Variants in ATL2 observed in about 807,000 individuals in gnomAD.
The protein encoded by ATL2 is atlastin-2.
In ATL2, 31 loss-of-function variants were observed where a neutral mutation model predicts 73.9. The observed-to-expected ratio is 0.42, with a 90% CI of 0.32 to 0.57. The LOEUF (loss-of-function observed/expected upper bound fraction) is 0.57, where lower values mean the gene tolerates loss of function less well. ATL2 is among the 20% of genes least tolerant of loss of function. ATL2 has a pLI of 0.14. For synonymous variants in ATL2, 291 were observed against 237.5 expected (o/e 1.23, Z -2.07); for missense variants, 738 against 702.6 (o/e 1.05, Z -0.57).
At chr2:38,296,673 G>C in intron 12 of ATL2, 1 of 1,570,100 alleles carries the variant, frequency 6.4e-7, no homozygotes, top group African/African-American at 1.3e-5. Context: ...ATTTGAGACT[G>C]TAGGTTTCTC....
chr2:38,377,236 G>T lies in ATL2; in HGVS notation c.25C>A (p.Arg9=), dbSNP rs375448345. MAEGDEAA[R]GQQPHQGLWR... is the part of the protein sequence containing the mutation. ...AGCCCCTGGTGCGGTTGCTGCCCTC[G>T]CGCTGCCTCGTCCCCCTCCGCCATC... Residue 9 remains arginine (R), a synonymous_variant, in exon 1 of 13, where the codon CGA becomes AGA. Coordinates refer to ENST00000378954, the MANE Select transcript of ATL2 (RefSeq NM_001135673.4). The T allele has an allele frequency of 1.9e-6, 3 of 1,598,226 alleles. No individual in the cohort carries two copies. The Admixed American group carries it at 5.2e-5, about 28-fold the overall frequency.
rs147445570 is a variant in ATL2, at chr2:38,326,904, C to G, written c.364-7885G>C. Among the ~76,000 whole-genome samples, 840 of 152,222 alleles carry G rather than the reference C, an allele frequency of 5.5e-3. 4 individuals carry two copies. The highest frequency in any genetic ancestry group is 9.6e-3 in the Non-Finnish European group (651 of 68,008). On this transcript the variant is annotated intron_variant, in intron 2 of 12. Transcript: ENST00000378954. ...TTGGGAGGCTGAGGCAGGAGAATCACTTGAACCCAGAAGGCAGAGGTTGCA... is the reference window on the plus strand; with the variant it reads ...TTGGGAGGCTGAGGCAGGAGAATCAGTTGAACCCAGAAGGCAGAGGTTGCA...
intron 1 of ATL2, among the ~76,000 whole-genome samples, chr2:38,366,224 A>T (rs1671325216): frequency 6.6e-6 from 1 of 152,196 alleles, no homozygotes; most frequent in Admixed American, 6.5e-5. Context: ...ACACGCTCAA[A>T]AACAGGATGA....
chr2:38,312,769 TTTCCTGAGGCCTCCCAGTCATGC>T (rs1289439480), intron 7 of ATL2, among the ~76,000 whole-genome samples: 1 of 151,970 alleles, frequency 6.6e-6, no homozygotes, highest in Non-Finnish European at 1.5e-5. Flanking sequence ...TGATTGTAAG[TTTCCTGAGGCCTCCCAGTCATGC>T]TTCCTGTTAA....
chr2:38,364,816 G>A (rs1432503458), intron 1 of ATL2, among the ~76,000 whole-genome samples: 2 of 151,816 alleles, frequency 1.3e-5, no homozygotes, highest in Admixed American at 6.6e-5. Flanking sequence ...AGGCTGAGGC[G>A]GGTGGATCAC....
chr2:38,325,699 T>TATAC (rs1668597639), intron 2 of ATL2, among the ~76,000 whole-genome samples: 1 of 11,316 alleles, frequency 8.8e-5, no homozygotes, highest in Non-Finnish European at 1.9e-4. Flanking sequence ...CACACACCAG[T>TATAC]ACACACACAC....
At chr2:38,296,305 C>T in intron 12 of ATL2, 192 bp from the exon 13 acceptor site, 1 of 1,443,182 alleles carries the variant, frequency 6.9e-7, no homozygotes, top group Non-Finnish European at 9.0e-7. Flanking sequence ...AATTACTTTC[C>T]TCTTATTCAA....
chr2:38,348,785 C>T (rs1425711740), intron 1 of ATL2, among the ~76,000 whole-genome samples: 1 of 151,770 alleles, frequency 6.6e-6, no homozygotes, highest in Non-Finnish European at 1.5e-5. Flanking sequence ...TGACAAAGGG[C>T]TAATATCCAG....
intron 9 of ATL2, among the ~76,000 whole-genome samples, chr2:38,303,918 C>T (rs921282815): frequency 6.6e-6 from 1 of 152,054 alleles, no homozygotes; most frequent in Admixed American, 6.5e-5. Context: ...AACTGCCTGA[C>T]CCTGGAGTTC....
intron 2 of ATL2, among the ~76,000 whole-genome samples, chr2:38,338,393 C>T (rs1166723151): frequency 6.6e-6 from 1 of 152,154 alleles, no homozygotes; most frequent in African/African-American, 2.4e-5. Context: ...GTACCCCAAA[C>T]ATCAGCATTA....
chr2:38,304,535 C>T (rs1667349142), intron 9 of ATL2, among the ~76,000 whole-genome samples: 2 of 152,110 alleles, frequency 1.3e-5, no homozygotes, highest in Admixed American at 1.3e-4. Context: ...CAACTCATAT[C>T]CTGAGTAGAA....
upstream of ATL2, among the ~76,000 whole-genome samples, chr2:38,377,661 CT>C (rs982720669): frequency 7.2e-5 from 11 of 152,288 alleles, no homozygotes; most frequent in Middle Eastern, 3.4e-3. Context: ...TCCCAATTCG[CT>C]TTACATCTCT....
At chr2:38,327,188 T>C (rs1046524319) in intron 2 of ATL2, among the ~76,000 whole-genome samples, 5 of 151,758 alleles carry the variant, frequency 3.3e-5, no homozygotes, top group Admixed American at 2.6e-4. Context: ...GAAAATGATA[T>C]AGGTCAGAAA....
At chr2:38,329,036 C>T (rs1668827175) in intron 2 of ATL2, among the ~76,000 whole-genome samples, 1 of 150,942 alleles carries the variant, frequency 6.6e-6, no homozygotes, top group African/African-American at 2.4e-5. Flanking sequence ...AACTCTATGC[C>T]CACAAAGTTA....
intron 2 of ATL2, among the ~76,000 whole-genome samples, chr2:38,336,348 T>G (rs1669355453): frequency 6.6e-6 from 1 of 152,156 alleles, no homozygotes; most frequent in African/African-American, 2.4e-5. Context: ...TAGCAAAGAA[T>G]AAAAACATAA....
At chr2:38,343,176 AAAGATATAG>A in intron 2 of ATL2, 83 bp downstream of exon 2, 1 of 665,802 alleles carries the variant, frequency 1.5e-6, no homozygotes, top group Non-Finnish European at 2.2e-6. Context: ...AAAAAAAAAA[AAAGATATAG>A]TTCTGGTTTT....
intron 1 of ATL2, among the ~76,000 whole-genome samples, chr2:38,358,850 C>T (rs1286992799): frequency 2.0e-5 from 3 of 152,110 alleles, no homozygotes; most frequent in Admixed American, 1.3e-4. Context: ...ACTATTGCAG[C>T]CTGGGATACA....
intron 2 of ATL2, among the ~76,000 whole-genome samples, chr2:38,337,008 A>G (rs1032344990): frequency 6.6e-6 from 1 of 152,188 alleles, no homozygotes; most frequent in African/African-American, 2.4e-5. Flanking sequence ...ATGTAAAACT[A>G]CACCAACGGG....
At chr2:38,303,248 C>T (rs766966477) in intron 9 of ATL2, among the ~76,000 whole-genome samples, 6 of 152,078 alleles carry the variant, frequency 3.9e-5, no homozygotes, top group Admixed American at 1.3e-4. Flanking sequence ...CTCTGTCTCC[C>T]AGACTGGAGT....
Sources: allele counts gnomAD v4.1 joint callset (sites outside exome capture counted in the v4.1 genomes callset), GRCh38; gene constraint gnomAD v4.1.1; transcripts MANE v1.5; gene names NCBI Gene and HGNC (gene_info 2026-07-23, HGNC 2026-07-21).